Variants in PARD3B observed in about 807,000 individuals in gnomAD.
PARD3B encodes the protein partitioning defective 3 homolog B.
PARD3B carries 103 observed loss-of-function variants against 130.2 expected under a neutral mutation model. The ratio of observed to expected loss-of-function variants is 0.79; its 90% CI spans 0.67 to 0.93. The LOEUF is 0.93. Ranked by LOEUF, PARD3B falls within the 40% of genes least tolerant of loss-of-function variation. The pLI is 0.00. For synonymous variants in PARD3B, 583 were observed against 553.2 expected (o/e 1.05, Z -0.76); for missense variants, 1,609 against 1,499.2 (o/e 1.07, Z -1.21).
At chr2:205,603,968 T>G (rs1389415350) in intron 22 of PARD3B, among the ~76,000 whole-genome samples, 1 of 152,186 alleles carries the variant, frequency 6.6e-6, no homozygotes, top group Non-Finnish European at 1.5e-5. Context: ...TCAGTGTGCT[T>G]TTGCAGTGGC....
At chr2:205,290,030 C>G (rs1352707680) in intron 16 of PARD3B, among the ~76,000 whole-genome samples, 1 of 152,136 alleles carries the variant, frequency 6.6e-6, no homozygotes, top group Non-Finnish European at 1.5e-5. Flanking sequence ...CCCAAGATGT[C>G]TAATGTCAGA....
rs77067705 is a variant in PARD3B at position 205,150,488 on chromosome 2, C to T, written c.1435-8234C>T. On this transcript the variant is annotated intron_variant, in intron 10 of 22. Coordinates refer to ENST00000406610, the MANE Select transcript of PARD3B (RefSeq NM_001302769.2). Reference sequence around the variant, plus strand: ...TTGAACCAGGATTCTTGGAGGGAGGCATTCAGCATATTGATTTTTTTAATG... The same window carrying T: ...TTGAACCAGGATTCTTGGAGGGAGGTATTCAGCATATTGATTTTTTTAATG... Among the ~76,000 whole-genome samples, 132 of 152,008 alleles carry T rather than the reference C, an allele frequency of 8.7e-4. No individual in the cohort carries two copies. The East Asian group carries it at 0.024, about 28-fold the overall frequency.
At chr2:204,899,141 G>T (rs190352254) in intron 2 of PARD3B, among the ~76,000 whole-genome samples, 2 of 151,072 alleles carry the variant, frequency 1.3e-5, no homozygotes, top group Admixed American at 1.3e-4. Context: ...ACTTAATCTT[G>T]CCATTTTGTT....
intron 2 of PARD3B, among the ~76,000 whole-genome samples, chr2:204,862,909 A>G (rs957782403): frequency 1.9e-4 from 29 of 152,204 alleles, no homozygotes; most frequent in African/African-American, 5.8e-4. Context: ...CTCACCTTAC[A>G]GATTGAATCC....
intron 2 of PARD3B, among the ~76,000 whole-genome samples, chr2:204,889,437 A>G (rs942089930): frequency 8.5e-5 from 13 of 152,200 alleles, no homozygotes; most frequent in Non-Finnish European, 1.5e-4. Context: ...GCAGGGCCCA[A>G]TGCAAAATGG....
chr2:205,411,302 A>G (rs927227702), intron 19 of PARD3B, among the ~76,000 whole-genome samples: 1 of 152,100 alleles, frequency 6.6e-6, no homozygotes, highest in African/African-American at 2.4e-5. Flanking sequence ...GAACCTAAGG[A>G]TATGTATTTT....
Position 205,091,780 on chromosome 2 carries a change from A to G in PARD3B, c.505-12646A>G, listed in dbSNP as rs2125541138. Among the ~76,000 whole-genome samples the G allele has an allele frequency of 6.6e-6, 1 of 152,188 alleles. No individual in the cohort carries two copies. Among genetic ancestry groups the G allele is most frequent in the East Asian group, 1.9e-4 (1 of 5,166 alleles). ...GGGAACAGTAGACGGGCCATTCATTAGTATCTTCTCTCCAGCTTCTGTGCT... is the reference window on the plus strand; with the variant it reads ...GGGAACAGTAGACGGGCCATTCATTGGTATCTTCTCTCCAGCTTCTGTGCT... On this transcript the variant is annotated intron_variant, in intron 4 of 22. Transcript: ENST00000406610. The surrounding 1 kb of genome is among the most constrained non-coding windows in gnomAD (Gnocchi z 4.2).
intron 20 of PARD3B, among the ~76,000 whole-genome samples, chr2:205,486,139 T>G (rs2049433033): frequency 6.6e-6 from 1 of 152,184 alleles, no homozygotes; most frequent in Non-Finnish European, 1.5e-5. Context: ...TTGAAAGCAC[T>G]TGAGGATTTA....
At chr2:205,219,569 T>A (rs1243970995) in intron 15 of PARD3B, among the ~76,000 whole-genome samples, 1 of 147,066 alleles carries the variant, frequency 6.8e-6, no homozygotes, top group African/African-American at 2.5e-5. Context: ...GAAGAGAAAT[T>A]TTTTGATAGC....
chr2:205,172,741 T>C (rs551746568), intron 12 of PARD3B, among the ~76,000 whole-genome samples: 11 of 152,320 alleles, frequency 7.2e-5, no homozygotes, highest in Admixed American at 2.0e-4. Context: ...GTGGAGATCA[T>C]TGTAATGCAG....
At chr2:205,199,033 C>A (rs1378682717) in intron 15 of PARD3B, among the ~76,000 whole-genome samples, 5 of 151,934 alleles carry the variant, frequency 3.3e-5, no homozygotes, top group African/African-American at 1.2e-4. Context: ...AAGAAAGTGT[C>A]TATTTGTATA....
chr2:204,624,584 T>A (rs1029851977), intron 1 of PARD3B, among the ~76,000 whole-genome samples: 1 of 152,184 alleles, frequency 6.6e-6, no homozygotes, highest in South Asian at 2.1e-4. Context: ...TGTTGAGTAG[T>A]GTTCCATGGT....
At chr2:204,877,956 G>A (rs532730810) in intron 2 of PARD3B, among the ~76,000 whole-genome samples, 5 of 152,290 alleles carry the variant, frequency 3.3e-5, no homozygotes, top group Admixed American at 6.5e-5. Flanking sequence ...TATTAAATTA[G>A]TTTCAATTTC....
At chr2:204,856,268 G>T (rs1262362293) in intron 2 of PARD3B, among the ~76,000 whole-genome samples, 1 of 152,028 alleles carries the variant, frequency 6.6e-6, no homozygotes, top group Non-Finnish European at 1.5e-5. Flanking sequence ...TCTCATTGTG[G>T]TTTTAATTTG....
chr2:205,495,690 A>G (rs556597251), intron 20 of PARD3B, among the ~76,000 whole-genome samples: 2 of 152,316 alleles, frequency 1.3e-5, no homozygotes, highest in South Asian at 2.1e-4. Context: ...ATTCTTGTTC[A>G]GTATCTTGCT....
At chr2:205,393,640 A>T (rs991151314) in intron 18 of PARD3B, among the ~76,000 whole-genome samples, 3 of 152,196 alleles carry the variant, frequency 2.0e-5, no homozygotes, top group African/African-American at 7.2e-5. Flanking sequence ...TTTAGTTCTC[A>T]CAGGACATTG....
rs181656104 is a variant in PARD3B, at chr2:205,607,636, G to C, written c.3261-7820G>C. ...TAGGCACTTGGGAACATGCTGCTGT[G>C]CTCAGCAGGCTTATGAATCTTTGCA... On this transcript the variant is annotated intron_variant, in intron 22 of 22. Coordinates refer to ENST00000406610, the MANE Select transcript of PARD3B (RefSeq NM_001302769.2). 7.2e-4 allele frequency among the ~76,000 whole-genome samples: 109 copies of C among 152,290 alleles called. 1 individual carries two copies. The highest frequency in any genetic ancestry group is 2.2e-3 in the Admixed American group (34 of 15,304).
intron 18 of PARD3B, among the ~76,000 whole-genome samples, chr2:205,316,475 G>A (rs1026305175): frequency 6.6e-6 from 1 of 152,094 alleles, no homozygotes; most frequent in African/African-American, 2.4e-5. Context: ...AAAATGATAT[G>A]AAAAAGATTT....
chr2:204,797,240 T>G (rs1264176781), intron 2 of PARD3B, among the ~76,000 whole-genome samples: 2 of 151,794 alleles, frequency 1.3e-5, no homozygotes, highest in Non-Finnish European at 1.5e-5. Flanking sequence ...AATAAATGGA[T>G]TAGTATATCA....
Sources: allele counts gnomAD v4.1 joint callset (sites outside exome capture counted in the v4.1 genomes callset), GRCh38; gene constraint gnomAD v4.1.1; non-coding constraint Gnocchi (gnomAD v3.1); transcripts MANE v1.5; gene names NCBI Gene and HGNC (gene_info 2026-07-23, HGNC 2026-07-21).